The following AGBL1 variants were observed in gnomAD, a reference collection of about 807,000 sequenced individuals.
AGBL1 encodes the protein cytosolic carboxypeptidase 4.
A neutral mutation model predicts 118.9 loss-of-function variants in AGBL1; 130 were observed. The observed-to-expected ratio is 1.09, with a 90% confidence interval of 0.95 to 1.26. The LOEUF (loss-of-function observed/expected upper bound fraction) is 1.26. AGBL1 is among the 50% of genes most tolerant of loss of function. The pLI is 0.00. For synonymous variants in AGBL1, 555 were observed against 478.9 expected, an observed-to-expected ratio of 1.16 and a Z score of -2.08; for missense variants, 1,584 against 1,298.1, an observed-to-expected ratio of 1.22 and a Z score of -3.38.
intron 1 of AGBL1, chr15:86,138,462 A>G (rs1246866046): frequency 6.6e-6 from 1 of 152,186 alleles, no homozygotes; most frequent in Admixed American, 6.5e-5. Flanking sequence ...CCTGTCTGCC[A>G]GCTGTTCATC....
chr15:87,026,397 C>A lies in AGBL1; in HGVS notation c.3324-2428C>A, dbSNP rs541034286. Among the ~76,000 whole-genome samples the A allele has an allele frequency of 4.6e-4, 70 of 152,000 alleles. 2 individuals carry two copies. Among genetic ancestry groups the A allele is most frequent in the African/African-American group, 1.6e-3 (68 of 41,486 alleles). On this transcript the variant is annotated intron_variant, in intron 24 of 24. Coordinates refer to the AGBL1 transcript ENST00000441037. ...AATGGCCAACAAATATGAAAAAATG[C>A]TCAACATGACTAATGATCAGGGAAA...
chr15:86,680,598 T>G (rs1488338596), intron 22 of AGBL1, among the ~76,000 whole-genome samples: 2 of 139,464 alleles, frequency 1.4e-5, no homozygotes, highest in Non-Finnish European at 3.1e-5. Context: ...GATGGGGGTC[T>G]CTCTGTCACC....
chr15:86,154,638 G>C, intron 4 of AGBL1, 77 bp downstream of exon 4: 30 of 1,488,894 alleles, frequency 2.0e-5, no homozygotes, highest in Non-Finnish European at 2.5e-5. Context: ...ATGAGGGTCT[G>C]GTTGGAAGAA....
intron 23 of AGBL1, among the ~76,000 whole-genome samples, chr15:86,959,657 C>T (rs72755665): frequency 0.039 from 5,936 of 152,042 alleles, 157 homozygotes; most frequent in Middle Eastern, 0.071. Flanking sequence ...TTTTTCTTTC[C>T]TGTTTATTAA....
intron 18 of AGBL1, among the ~76,000 whole-genome samples, chr15:86,480,387 T>A (rs2082635720): frequency 6.6e-6 from 1 of 152,132 alleles, no homozygotes; most frequent in Non-Finnish European, 1.5e-5. Flanking sequence ...CAAAGTTCAT[T>A]TTTTTCTCTT....
intron 23 of AGBL1, among the ~76,000 whole-genome samples, chr15:86,968,470 G>A (rs2081075851): frequency 6.6e-6 from 1 of 151,874 alleles, no homozygotes; most frequent in Non-Finnish European, 1.5e-5. Flanking sequence ...GATAGAAATG[G>A]CCAGGGGGAT....
intron 17 of AGBL1, among the ~76,000 whole-genome samples, chr15:86,373,212 T>C (rs2080993808): frequency 6.6e-6 from 1 of 152,222 alleles, no homozygotes; most frequent in Non-Finnish European, 1.5e-5. Flanking sequence ...GATATTTTGC[T>C]TGAAATTCTC....
chr15:86,921,661 T>A (rs2080483079), intron 23 of AGBL1, among the ~76,000 whole-genome samples: 1 of 151,940 alleles, frequency 6.6e-6, no homozygotes, highest in Non-Finnish European at 1.5e-5. Flanking sequence ...CTTGATGAGG[T>A]TTGGAGTTGC....
intron 18 of AGBL1, among the ~76,000 whole-genome samples, chr15:86,465,776 T>A (rs2082396707): frequency 6.6e-6 from 1 of 152,230 alleles, no homozygotes; most frequent in Non-Finnish European, 1.5e-5. Flanking sequence ...CCTGTTAAGA[T>A]GTTTATCAAT....
intron 21 of AGBL1, among the ~76,000 whole-genome samples, chr15:86,656,130 AT>A (rs1187017962): frequency 6.6e-6 from 1 of 152,198 alleles, no homozygotes; most frequent in Non-Finnish European, 1.5e-5. Context: ...TGTGTGATGA[AT>A]TTGGACATAT....
At chr15:86,539,526 A>C (rs556224464) in intron 19 of AGBL1, among the ~76,000 whole-genome samples, 1 of 152,306 alleles carries the variant, frequency 6.6e-6, no homozygotes, top group African/African-American at 2.4e-5. Context: ...AGGCTCCTTC[A>C]CCACCTTCAA....
intron 4 of AGBL1, 142 bp from the exon 5 acceptor site, chr15:86,158,791 A>G: frequency 1.5e-6 from 1 of 646,986 alleles, no homozygotes; most frequent in South Asian, 1.8e-5. Context: ...TTATAGAGGA[A>G]TGTGCAACCA....
At chr15:86,575,080 T>G (rs931156277) in intron 21 of AGBL1, among the ~76,000 whole-genome samples, 4 of 151,892 alleles carry the variant, frequency 2.6e-5, no homozygotes, top group African/African-American at 9.7e-5. Flanking sequence ...TCCCAGCTAC[T>G]TGGGAGGCTG....
intron 21 of AGBL1, among the ~76,000 whole-genome samples, chr15:86,558,086 T>A (rs1194580495): frequency 6.6e-6 from 1 of 152,112 alleles, no homozygotes; most frequent in Non-Finnish European, 1.5e-5. Context: ...ATGGATTATT[T>A]CCCAGAGTAA....
intron 3 of AGBL1, among the ~76,000 whole-genome samples, chr15:86,151,705 GTA>G (rs575683092): frequency 6.6e-5 from 10 of 152,248 alleles, no homozygotes; most frequent in Admixed American, 4.6e-4. Context: ...GAAATAAAGA[GTA>G]TTCAATTAGG....
At chr15:86,257,447 T>A (rs1182148550) in intron 8 of AGBL1, among the ~76,000 whole-genome samples, 3 of 152,238 alleles carry the variant, frequency 2.0e-5, no homozygotes, top group African/African-American at 7.2e-5. Flanking sequence ...TATTATTATT[T>A]AATCTCTGGG....
intron 21 of AGBL1, among the ~76,000 whole-genome samples, chr15:86,654,947 C>T (rs2085439393): frequency 6.6e-6 from 1 of 152,098 alleles, no homozygotes; most frequent in African/African-American, 2.4e-5. Flanking sequence ...AATGTAATAT[C>T]TTCTCAACAG....
intron 5 of AGBL1, among the ~76,000 whole-genome samples, chr15:86,202,873 G>T (rs993859498): frequency 6.6e-6 from 1 of 152,074 alleles, no homozygotes; most frequent in Non-Finnish European, 1.5e-5. Flanking sequence ...TGCTCTGGAG[G>T]GGTTTAAGAT....
At chr15:86,143,571 A>G (rs1355388841) in intron 2 of AGBL1, 128 bp from the exon 3 acceptor site, 7 of 1,189,594 alleles carry the variant, frequency 5.9e-6, no homozygotes, top group African/African-American at 3.1e-5. Flanking sequence ...TGCTTCAAGA[A>G]CTACATAATT....
Sources: allele counts gnomAD v4.1 joint callset (sites outside exome capture counted in the v4.1 genomes callset), GRCh38; gene constraint gnomAD v4.1.1; transcripts MANE v1.5; gene names NCBI Gene and HGNC (gene_info 2026-07-23, HGNC 2026-07-21).